SCNN1G: variants seen among roughly 807,000 people sequenced by gnomAD.
SCNN1G encodes the protein sodium channel epithelial 1 subunit gamma, also known as epithelial sodium channel subunit gamma.
Under a neutral mutation model 64.6 loss-of-function variants are expected in SCNN1G, and 27 were observed. The ratio of observed to expected loss-of-function variants is 0.42; its 90% CI spans 0.31 to 0.58. The LOEUF (loss-of-function observed/expected upper bound fraction) is 0.58, where lower values mean the gene tolerates loss of function less well. Among genes scored for constraint, SCNN1G ranks in the 20% least tolerant of loss-of-function variants. SCNN1G has a pLI of 0.18. For synonymous variants in SCNN1G, 330 were observed against 314.2 expected, an observed-to-expected ratio of 1.05 and a Z score of -0.53; for missense variants, 743 against 823.4, an observed-to-expected ratio of 0.90 and a Z score of 1.19.
intron 1 of SCNN1G, among the ~76,000 whole-genome samples, chr16:23,185,018 C>T (rs1169866781): frequency 6.6e-6 from 1 of 152,208 alleles, no homozygotes; most frequent in African/African-American, 2.4e-5. Context: ...CCTTCTCTTT[C>T]CTCCTACCTT....
chr16:23,192,787 G>A (rs1390358640), intron 4 of SCNN1G, among the ~76,000 whole-genome samples: 1 of 152,158 alleles, frequency 6.6e-6, no homozygotes, highest in Non-Finnish European at 1.5e-5. Flanking sequence ...AAGGTAGTTG[G>A]CCAGGCATGG....
rs778942971 is a variant in SCNN1G at position 23,215,154 on chromosome 16, C to T, written c.1635C>T (p.Cys545=). The change falls in exon 13 of 13, where the codon TGC becomes TGT. Residue 545 remains cysteine (C), a synonymous_variant. Coordinates refer to ENST00000300061, the MANE Select transcript of SCNN1G (RefSeq NM_001039.4). ...TGTGGATGAGCTGCTCTGTTGTCTGCGTCATCGAGATCATCGAGGTCTTCT... is the reference window on the plus strand; with the variant it reads ...TGTGGATGAGCTGCTCTGTTGTCTGTGTCATCGAGATCATCGAGGTCTTCT... ...LGLWMSCSVV[C]VIEIIEVFFI... 9.9e-6 allele frequency: 16 copies of T among 1,613,962 alleles called. No individual in the cohort carries two copies. Among genetic ancestry groups the T allele is most frequent in the African/African-American group, 8.0e-5 (6 of 74,888 alleles).
intron 6 of SCNN1G, among the ~76,000 whole-genome samples, chr16:23,208,879 T>C (rs890900182): frequency 6.6e-6 from 1 of 151,846 alleles, no homozygotes. Flanking sequence ...TGGGATTACA[T>C]GCATGAGCCA....
intron 7 of SCNN1G, among the ~76,000 whole-genome samples, chr16:23,211,450 A>G (rs916198823): frequency 6.6e-6 from 1 of 152,194 alleles, no homozygotes; most frequent in Non-Finnish European, 1.5e-5. Flanking sequence ...CACCCACATG[A>G]TGGAAAATGA....
At chr16:23,185,103 G>A (rs1446546471) in intron 1 of SCNN1G, among the ~76,000 whole-genome samples, 1 of 152,186 alleles carries the variant, frequency 6.6e-6, no homozygotes, top group Non-Finnish European at 1.5e-5. Flanking sequence ...TGCCATAGCG[G>A]TGAAGGCTGC....
intron 5 of SCNN1G, 129 bp from the exon 6 acceptor site, chr16:23,197,135 C>T (rs1235125528): frequency 2.2e-5 from 17 of 763,520 alleles, no homozygotes; most frequent in Non-Finnish European, 1.6e-5. Flanking sequence ...GTCTAGCCCT[C>T]GTCCACCTGT....
At chr16:23,193,351 C>T (rs1400318247) in intron 4 of SCNN1G, among the ~76,000 whole-genome samples, 4 of 151,986 alleles carry the variant, frequency 2.6e-5, no homozygotes, top group Non-Finnish European at 5.9e-5. Flanking sequence ...GTGAGACATT[C>T]TAAAGTGTTC....
At chr16:23,200,914 G>C (rs1959878047) in intron 6 of SCNN1G, among the ~76,000 whole-genome samples, 1 of 152,164 alleles carries the variant, frequency 6.6e-6, no homozygotes, top group South Asian at 2.1e-4. Context: ...GACAACACTG[G>C]ACAAGGGAAA....
chr16:23,206,163 A>G (rs985852178), intron 6 of SCNN1G, among the ~76,000 whole-genome samples: 4 of 152,212 alleles, frequency 2.6e-5, no homozygotes, highest in African/African-American at 9.6e-5. Flanking sequence ...CAAGACAGCA[A>G]TCTTTCTGAG....
intron 7 of SCNN1G, among the ~76,000 whole-genome samples, chr16:23,210,648 C>T (rs918698079): frequency 2.4e-4 from 37 of 152,166 alleles, no homozygotes; most frequent in African/African-American, 7.7e-4. Flanking sequence ...AGAATCATCC[C>T]AGCAGAACAA....
intron 2 of SCNN1G, among the ~76,000 whole-genome samples, chr16:23,188,574 A>G (rs568072737): frequency 1.6e-4 from 24 of 152,296 alleles, no homozygotes; most frequent in Admixed American, 9.2e-4. Flanking sequence ...TGTGTTTATT[A>G]TATTTAATAA....
rs1302913076 is a variant in SCNN1G, at chr16:23,184,659, C to A, written c.-44-1569C>A. 3.3e-5 allele frequency among the ~76,000 whole-genome samples: 5 copies of A among 152,260 alleles called. 1 individual carries two copies. The South Asian group carries it at 8.3e-4, about 25-fold the overall frequency. ...CACTCCATTTCCTTTCCATCTGAGG[C>A]CTTAAACCCACTAGCATCATAAGCT... On this transcript the variant is annotated intron_variant, in intron 1 of 12. Transcript: ENST00000300061.
chr16:23,202,264 G>GTGGATGGATGGA (rs766730532), intron 6 of SCNN1G, among the ~76,000 whole-genome samples: 3 of 98,720 alleles, frequency 3.0e-5, no homozygotes, highest in East Asian at 3.5e-4. Flanking sequence ...GGGTGGGTGG[G>GTGGATGGATGGA]TGGATGGATG....
At chr16:23,212,211 C>A in intron 8 of SCNN1G, 60 bp downstream of exon 8, 1 of 1,085,316 alleles carries the variant, frequency 9.2e-7, no homozygotes, top group Non-Finnish European at 1.4e-6. Context: ...CTAGTCCTGG[C>A]AATAGGCACT....
intron 3 of SCNN1G, among the ~76,000 whole-genome samples, chr16:23,189,937 GCA>G (rs933448247): frequency 3.9e-5 from 6 of 152,286 alleles, no homozygotes; most frequent in African/African-American, 1.4e-4. Context: ...GGGCATGGTG[GCA>G]CATGCCTGTA....
In SCNN1G at chr16:23,183,758, A is replaced by G. The variant is rs946298871; in HGVS notation, c.-45+945A>G. Among the ~76,000 whole-genome samples, 6 of 152,174 alleles carry G rather than the reference A, an allele frequency of 3.9e-5. No individual in the cohort carries two copies. In the East Asian group the frequency reaches 1.2e-3, roughly 29 times the overall value. ...AGGACTGAGTGGGATGCCTGGGAGT[A>G]CAGAAAGGGATCAATAAGTGATAGC... On this transcript the variant is annotated intron_variant, in intron 1 of 12. Transcript: ENST00000300061.
Position 23,189,440 on chromosome 16 carries a change from T to C in SCNN1G, c.387T>C (p.Tyr129=), listed in dbSNP as rs5734. ...QETREALKSL[Y]GFPESRKRRE... Reference sequence around the variant, plus strand: ...CCAGAGAGGCCCTGAAGTCCCTGTATGGCTTTCCAGAGTCCCGGAAGCGCC... The same window carrying C: ...CCAGAGAGGCCCTGAAGTCCCTGTACGGCTTTCCAGAGTCCCGGAAGCGCC... Residue 129 remains tyrosine, a synonymous_variant, in exon 3 of 13, where the codon TAT becomes TAC. Coordinates refer to ENST00000300061, the MANE Select transcript of SCNN1G (RefSeq NM_001039.4). The C allele has an allele frequency of 0.3, 488,648 of 1,613,870 alleles. 76,394 individuals carry two copies. Among genetic ancestry groups the C allele is most frequent in the Admixed American group, 0.41 (24,728 of 60,006 alleles).
chr16:23,199,668 T>C (rs1461974755), intron 6 of SCNN1G, among the ~76,000 whole-genome samples: 8 of 107,708 alleles, frequency 7.4e-5, no homozygotes, highest in African/African-American at 1.3e-4. Flanking sequence ...CTTTTCTTTT[T>C]TTTTTTTTTT....
chr16:23,205,915 C>A (rs1283830707), intron 6 of SCNN1G, among the ~76,000 whole-genome samples: 1 of 152,124 alleles, frequency 6.6e-6, no homozygotes, highest in Non-Finnish European at 1.5e-5. Context: ...AGCCTGTTGA[C>A]TGGGGCTGGT....
Sources: gnomAD v4.1 joint callset for allele counts (sites outside exome capture counted in the v4.1 genomes callset) on GRCh38, gnomAD v4.1.1 for gene constraint, MANE v1.5 for transcripts, NCBI Gene and HGNC (gene_info 2026-07-23, HGNC 2026-07-21) for gene names.